Variants in HORMAD2 observed in about 807,000 individuals in gnomAD.
HORMAD2 encodes the protein HORMA domain-containing protein 2.
HORMAD2 carries 45 observed loss-of-function variants against 38.8 expected under a neutral mutation model. That is an observed-to-expected ratio of 1.16 (90% CI 0.91 to 1.49). The LOEUF (loss-of-function observed/expected upper bound fraction) is 1.49, where lower values mean the gene tolerates loss of function less well. HORMAD2 is among the 40% of genes most tolerant of loss of function. The pLI is 0.00. For missense variants in HORMAD2, 338 were observed against 367.0 expected (o/e 0.92, Z 0.65); for synonymous variants, 126 against 122.8 (o/e 1.03, Z -0.17).
chr22:30,085,054 G>A (rs1250743921), intron 1 of HORMAD2, among the ~76,000 whole-genome samples: 1 of 151,950 alleles, frequency 6.6e-6, no homozygotes, highest in Non-Finnish European at 1.5e-5. Flanking sequence ...GCTGAGGCAG[G>A]AGGGTGGCAT....
chr22:30,129,297 G>C (rs1356290886), intron 10 of HORMAD2, among the ~76,000 whole-genome samples: 1 of 140,740 alleles, frequency 7.1e-6, no homozygotes, highest in African/African-American at 2.6e-5. Context: ...AGCACTGTGA[G>C]GAAAATAAAG....
intron 10 of HORMAD2, among the ~76,000 whole-genome samples, chr22:30,129,100 C>G (rs1923079827): frequency 6.6e-6 from 1 of 151,568 alleles, no homozygotes; most frequent in African/African-American, 2.4e-5. Context: ...CACCTGTAGT[C>G]CCAGCTACTT....
intron 10 of HORMAD2, among the ~76,000 whole-genome samples, chr22:30,166,991 A>C (rs1925822879): frequency 6.6e-6 from 1 of 152,226 alleles, no homozygotes; most frequent in African/African-American, 2.4e-5. Flanking sequence ...TAAAACAACA[A>C]AAATGTATTC....
intron 3 of HORMAD2, among the ~76,000 whole-genome samples, 195 bp downstream of exon 3, chr22:30,099,188 G>C (rs1920928005): frequency 6.6e-6 from 1 of 152,176 alleles, no homozygotes; most frequent in South Asian, 2.1e-4. Context: ...CTAGTTCCTA[G>C]CTAGACGCCA....
At chr22:30,112,437 GA>G in intron 6 of HORMAD2, 58 bp from the exon 7 acceptor site, 1 of 806,676 alleles carries the variant, frequency 1.2e-6, no homozygotes, top group South Asian at 1.6e-5. Context: ...AAAGGTATTT[GA>G]TGAGGAGTAA....
At chr22:30,088,252 C>T (rs1331895287) in intron 1 of HORMAD2, among the ~76,000 whole-genome samples, 1 of 149,670 alleles carries the variant, frequency 6.7e-6, no homozygotes, top group African/African-American at 2.5e-5. Context: ...TATACATATA[C>T]ACACATATAT....
chr22:30,129,243 AAAAAAAAAAAAAAG>A (rs1309839840), intron 10 of HORMAD2, among the ~76,000 whole-genome samples: 884 of 48,118 alleles, frequency 0.018, 127 homozygotes, highest in African/African-American at 0.073. Context: ...AAAAAAAAAA[AAAAAAAAAAAAAAG>A]AGAGAGAGAG....
the HORMAD2 span, among the ~76,000 whole-genome samples, chr22:30,190,278 G>T: frequency 6.6e-6 from 1 of 152,166 alleles, no homozygotes; most frequent in Admixed American, 6.5e-5. Context: ...CTGGATTACT[G>T]CAGCAGCCTC....
At chr22:30,130,813 A>C (rs1171151471) in intron 10 of HORMAD2, among the ~76,000 whole-genome samples, 2 of 149,986 alleles carry the variant, frequency 1.3e-5, no homozygotes, top group Non-Finnish European at 3.0e-5. Flanking sequence ...CTGGTCTCCA[A>C]CTCCTGAGCT....
chr22:30,177,868 TG>T (rs931916015), downstream of HORMAD2, among the ~76,000 whole-genome samples: 3 of 151,978 alleles, frequency 2.0e-5, no homozygotes, highest in Non-Finnish European at 4.4e-5. Flanking sequence ...TTTGTAGAGA[TG>T]GGGGTTCGCC....
chr22:30,086,973 T>C (rs866263068), intron 1 of HORMAD2, among the ~76,000 whole-genome samples: 2 of 152,038 alleles, frequency 1.3e-5, no homozygotes, highest in African/African-American at 2.4e-5. Flanking sequence ...TTTGTATTTT[T>C]AGTAGAGATG....
At chr22:30,095,400 T>C (rs1186847361) in intron 2 of HORMAD2, among the ~76,000 whole-genome samples, 3 of 152,222 alleles carry the variant, frequency 2.0e-5, no homozygotes, top group East Asian at 1.9e-4. Context: ...GCTTCTTTGA[T>C]TTTTAAAAAT....
At chr22:30,145,997 T>C (rs975794301) in intron 10 of HORMAD2, among the ~76,000 whole-genome samples, 1 of 152,090 alleles carries the variant, frequency 6.6e-6, no homozygotes, top group Non-Finnish European at 1.5e-5. Context: ...TAGTAGAAAA[T>C]TGAATCCAGC....
At chr22:30,113,853 C>A (rs146453452) in intron 7 of HORMAD2, among the ~76,000 whole-genome samples, 2 of 152,100 alleles carry the variant, frequency 1.3e-5, no homozygotes, top group Non-Finnish European at 2.9e-5. Context: ...CTTTTACATA[C>A]GGTAGGTAGC....
At chr22:30,123,033 G>A (rs1922570936) in intron 10 of HORMAD2, among the ~76,000 whole-genome samples, 1 of 152,148 alleles carries the variant, frequency 6.6e-6, no homozygotes. Context: ...TTAAAGATAG[G>A]TGACTGTACT....
the HORMAD2 span, among the ~76,000 whole-genome samples, chr22:30,198,710 A>G: frequency 1.3e-5 from 2 of 151,992 alleles, no homozygotes; most frequent in Admixed American, 1.3e-4. Flanking sequence ...GCTTCACCCC[A>G]CACTTCAGCA....
intron 5 of HORMAD2, among the ~76,000 whole-genome samples, chr22:30,110,860 T>C (rs1921580576): frequency 6.6e-6 from 1 of 151,702 alleles, no homozygotes; most frequent in African/African-American, 2.4e-5. Flanking sequence ...CAAAGGTGGA[T>C]TGAAAATACA....
chr22:30,103,517 C>T lies in HORMAD2; in HGVS notation c.257+17C>T. On this transcript the variant is annotated intron_variant, in intron 4 of 10. Coordinates refer to ENST00000336726, the MANE Select transcript of HORMAD2 (RefSeq NM_152510.4). ...TATCAGATGGTAAGTAATAGAAATTCTATAAAAGTTGAACAACATTATTTT... is the reference window on the plus strand; with the variant it reads ...TATCAGATGGTAAGTAATAGAAATTTTATAAAAGTTGAACAACATTATTTT... 2 of 1,334,222 alleles carry T rather than the reference C, an allele frequency of 1.5e-6. No individual in the cohort carries two copies. The highest frequency in any genetic ancestry group is 1.3e-5 in the South Asian group (1 of 78,240). The allele number at this position is 1,334,222 out of a possible 1,614,324, so 82.6% of individuals were successfully genotyped here. A position where few individuals can be genotyped will look rare whatever the true frequency, so the allele number is the denominator to read the frequency against.
intron 10 of HORMAD2, among the ~76,000 whole-genome samples, chr22:30,153,058 A>G (rs1924852484): frequency 6.6e-6 from 1 of 151,574 alleles, no homozygotes; most frequent in East Asian, 1.9e-4. Context: ...ACATAGAACA[A>G]GTTTCTCTAC....
Sources: allele counts gnomAD v4.1 joint callset (sites outside exome capture counted in the v4.1 genomes callset), GRCh38; gene constraint gnomAD v4.1.1; transcripts MANE v1.5; gene names NCBI Gene and HGNC (gene_info 2026-07-23, HGNC 2026-07-21).